EPB41L5: variants seen among roughly 807,000 people sequenced by gnomAD.
The protein encoded by EPB41L5 is band 4.1-like protein 5.
EPB41L5 carries 55 observed loss-of-function variants against 106.6 expected under a neutral mutation model. That is an observed-to-expected ratio of 0.52 (90% CI 0.42 to 0.65). EPB41L5 has a LOEUF of 0.65. EPB41L5 is among the 30% of genes least tolerant of loss of function. The pLI, the probability that EPB41L5 is intolerant of heterozygous loss-of-function variation, is 0.00. For missense variants in EPB41L5, 871 were observed against 882.1 expected, an observed-to-expected ratio of 0.99 and a Z score of 0.16; for synonymous variants, 297 against 306.7, an observed-to-expected ratio of 0.97 and a Z score of 0.33.
intron 16 of EPB41L5, chr2:120,104,112 A>G: frequency 6.5e-7 from 1 of 1,535,712 alleles, no homozygotes; most frequent in Non-Finnish European, 8.7e-7. Context: ...GTGGAACACA[A>G]GGGCCTTGCC....
intron 1 of EPB41L5, among the ~76,000 whole-genome samples, chr2:120,014,476 G>C (rs1374853359): frequency 6.6e-6 from 1 of 152,214 alleles, no homozygotes; most frequent in Admixed American, 6.5e-5. Context: ...TGTGAGTGGG[G>C]GAAGTAGTCA....
chr2:120,084,009 G>A (rs1224444147), intron 10 of EPB41L5, among the ~76,000 whole-genome samples: 1 of 152,088 alleles, frequency 6.6e-6, no homozygotes, highest in African/African-American at 2.4e-5. Context: ...CACGTGAGAT[G>A]GGTCTCCTGA....
At chr2:120,173,992 C>T (rs1687816896) in intron 24 of EPB41L5, among the ~76,000 whole-genome samples, 1 of 152,230 alleles carries the variant, frequency 6.6e-6, no homozygotes, top group Admixed American at 6.5e-5. Flanking sequence ...TTTCAGTTTT[C>T]ATGAAACCAA....
chr2:120,033,726 A>G (rs1678868049), intron 2 of EPB41L5, among the ~76,000 whole-genome samples: 1 of 151,622 alleles, frequency 6.6e-6, no homozygotes, highest in Non-Finnish European at 1.5e-5. Context: ...AAAAAAAAAA[A>G]AAAGTAATTA....
intron 18 of EPB41L5, among the ~76,000 whole-genome samples, chr2:120,135,646 G>A (rs1282198281): frequency 2.6e-5 from 4 of 152,174 alleles, no homozygotes; most frequent in Non-Finnish European, 5.9e-5. Context: ...TCAGTAAGTC[G>A]AAGCAGACTT....
intron 1 of EPB41L5, among the ~76,000 whole-genome samples, chr2:120,018,189 G>T (rs1270499363): frequency 6.6e-6 from 1 of 151,596 alleles, no homozygotes; most frequent in Non-Finnish European, 1.5e-5. Context: ...GGATGGTCTC[G>T]ATCTCCTGAC....
Position 120,057,126 on chromosome 2 carries a change from G to T in EPB41L5, c.285+15016G>T, listed in dbSNP as rs1182736316. Among the ~76,000 whole-genome samples the T allele has an allele frequency of 1.1e-4, 17 of 152,220 alleles. No individual in the cohort carries two copies. In the South Asian group the frequency reaches 3.3e-3, roughly 30 times the overall value. On this transcript the variant is annotated intron_variant, in intron 3 of 24. Transcript: ENST00000263713. ...CCAGACTGGTCTTGATCTCCTGGAT[G>T]CAAGTGATCCTCTTCAGCCTCGCAA...
At chr2:120,105,437 C>T (rs1684393953) in intron 16 of EPB41L5, 1 of 985,276 alleles carries the variant, frequency 1.0e-6, no homozygotes, top group Non-Finnish European at 1.2e-6. Flanking sequence ...GGTTTTATAT[C>T]TCAAATCCTT....
chr2:120,105,608 T>C (rs1684403255), intron 16 of EPB41L5: 1 of 985,244 alleles, frequency 1.0e-6, no homozygotes, highest in East Asian at 1.1e-4. Flanking sequence ...GAGTTTAGTA[T>C]AATTATGTGT....
intron 3 of EPB41L5, among the ~76,000 whole-genome samples, chr2:120,062,495 AT>A (rs1681150052): frequency 1.3e-5 from 2 of 151,984 alleles, no homozygotes; most frequent in Non-Finnish European, 2.9e-5. Context: ...ATTAAAATAA[AT>A]TAGAAGAAAT....
intron 2 of EPB41L5, among the ~76,000 whole-genome samples, chr2:120,039,845 A>AAG (rs1553492298): frequency 6.6e-6 from 1 of 151,514 alleles, no homozygotes; most frequent in African/African-American, 2.4e-5. Context: ...AAAAAAAAAA[A>AAG]AAGAAGAAAG....
intron 18 of EPB41L5, among the ~76,000 whole-genome samples, chr2:120,139,240 A>G: frequency 6.6e-6 from 1 of 152,022 alleles, no homozygotes; most frequent in Non-Finnish European, 1.5e-5. Context: ...AAAATATTGG[A>G]GCAACTCTCT....
intron 3 of EPB41L5, among the ~76,000 whole-genome samples, chr2:120,063,405 A>G (rs900229668): frequency 2.6e-5 from 4 of 151,692 alleles, no homozygotes; most frequent in Admixed American, 2.0e-4. Context: ...GTGAGCTCCT[A>G]TGCAATTTTG....
In EPB41L5 at chr2:120,021,337, CA is replaced by C. The variant is rs57239546; in HGVS notation, c.180+2082del. Among the ~76,000 whole-genome samples the C allele has an allele frequency of 7.7e-3, 1,145 of 148,928 alleles. 12 individuals carry two copies. Among genetic ancestry groups the C allele is most frequent in the African/African-American group, 0.027 (1,084 of 40,420 alleles). On this transcript the variant is annotated intron_variant, in intron 2 of 24. Coordinates refer to ENST00000263713, the MANE Select transcript of EPB41L5 (RefSeq NM_020909.4). ...TCTGGGTGACAGCAAGACTCCGTCT[CA>C]AAAAAAAAGAAAAAGGAACAATTGG...
At chr2:120,129,757 T>C (rs1157925993) in intron 17 of EPB41L5, among the ~76,000 whole-genome samples, 3 of 152,216 alleles carry the variant, frequency 2.0e-5, no homozygotes, top group African/African-American at 4.8e-5. Context: ...TATGGCACTT[T>C]ATTGGTGAAC....
At chr2:120,013,442 G>T (rs1038477635) in intron 1 of EPB41L5, 1 of 152,118 alleles carries the variant, frequency 6.6e-6, no homozygotes, top group African/African-American at 2.4e-5. Context: ...AGTTTCGGTC[G>T]ATACCGCGCG....
At chr2:120,145,756 AC>A (rs1686372174) in intron 19 of EPB41L5, among the ~76,000 whole-genome samples, 1 of 152,104 alleles carries the variant, frequency 6.6e-6, no homozygotes, top group South Asian at 2.1e-4. Context: ...AGATTGACTG[AC>A]CTACATGGTG....
intron 16 of EPB41L5, among the ~76,000 whole-genome samples, chr2:120,107,707 A>G (rs2105418663): frequency 6.6e-6 from 1 of 152,204 alleles, no homozygotes; most frequent in East Asian, 1.9e-4. Flanking sequence ...TTTGCAGAAC[A>G]TAAACATTTC....
At chr2:120,154,065 G>A (rs1022684024) in intron 20 of EPB41L5, among the ~76,000 whole-genome samples, 1 of 149,326 alleles carries the variant, frequency 6.7e-6, no homozygotes, top group African/African-American at 2.5e-5. Context: ...TTGTTCCTCA[G>A]TTTCTCCATT....
Sources: allele counts gnomAD v4.1 joint callset (sites outside exome capture counted in the v4.1 genomes callset), GRCh38; gene constraint gnomAD v4.1.1; transcripts MANE v1.5; gene names NCBI Gene and HGNC (gene_info 2026-07-23, HGNC 2026-07-21).